The following APLP2 variants were observed in gnomAD, a reference collection of about 807,000 sequenced individuals.
APLP2 encodes amyloid beta precursor like protein 2, also known as CDEI box-binding protein.
APLP2 carries 53 observed loss-of-function variants against 89.9 expected under a neutral mutation model. The ratio of observed to expected loss-of-function variants is 0.59; its 90% CI spans 0.47 to 0.74. The LOEUF is 0.74. APLP2 is among the 30% of genes least tolerant of loss of function. The pLI, the probability that APLP2 is intolerant of heterozygous loss-of-function variation, is 0.00. For missense variants in APLP2, 973 were observed against 975.9 expected (o/e 1.00, Z 0.04); for synonymous variants, 372 against 348.6 (o/e 1.07, Z -0.75).
In APLP2 at chr11:130,133,740, C is replaced by G; in HGVS notation, c.1684+12C>G. On this transcript the variant is annotated intron_variant, in intron 12 of 16. Transcript: ENST00000338167. ...TCAAGAGGAAATTGGTGGGTACCAG[C>G]TCTTTGTGTCAAGGTCATACGGGAC... 6.3e-7 allele frequency: 1 copy of G among 1,593,472 alleles called. No individual in the cohort carries two copies. The highest frequency in any genetic ancestry group is 8.6e-7 in the Non-Finnish European group (1 of 1,161,264).
chr11:130,123,687 G>A lies in APLP2; in HGVS notation c.998G>A (p.Gly333Glu), dbSNP rs753559526. ...MPRWYFDLSK[G>E]KCVRFIYGGC... ...CGTTGGTACTTCGACCTCTCCAAGG[G>A]AAAGTGCGTGCGCTTTATATATGGT... is the stretch of plus-strand genomic sequence containing the variant. Residue 333 changes from glycine (G) to glutamate (E), a missense_variant, in exon 7 of 17, where the codon GGA (glycine) becomes GAA (glutamate). Physicochemically the swap from Gly to Glu is moderately conservative, Grantham distance 98. Coordinates refer to ENST00000338167, the MANE Select transcript of APLP2 (RefSeq NM_001142276.2). The surrounding 1 kb of genome is among the most constrained non-coding windows in gnomAD (Gnocchi z 4.0). 5 of 1,614,174 alleles carry A rather than the reference G, an allele frequency of 3.1e-6. No individual in the cohort carries two copies. The Admixed American group carries it at 8.3e-5, about 27-fold the overall frequency.
rs199857117 is a variant in APLP2, at chr11:130,121,751, G to T, written c.654G>T (p.Glu218Asp). ...IIGSVSKEEE[E>D]EDEEEEEEED... ...GATCTGTGTCAAAAGAAGAGGAAGA[G>T]GAAGATGAAGAGGAAGAGGAAGAGG... Residue 218 changes from glutamate (E) to aspartate (D), a missense_variant, in exon 5 of 17, where the codon GAG becomes GAT. Glu to Asp is a conservative substitution (Grantham distance 45, BLOSUM62 2). Transcript: ENST00000338167. 2 of 1,610,680 alleles carry T rather than the reference G, an allele frequency of 1.2e-6. No individual in the cohort carries two copies. Among genetic ancestry groups the T allele is most frequent in the South Asian group, 1.1e-5 (1 of 90,980 alleles).
At position 130,143,385 on chromosome 11, in the gene APLP2, C is replaced by A. The variant is rs761333460; in HGVS notation, c.2193C>A (p.Asn731Lys). ...TCACCCCAGAAGAGCGTCACCTGAACAAGATGCAGAACCATGGCTATGAGA... is the reference window on the plus strand; with the variant it reads ...TCACCCCAGAAGAGCGTCACCTGAAAAAGATGCAGAACCATGGCTATGAGA... ...PMLTPEERHL[N>K]KMQNHGYENP... Residue 731 changes from asparagine to lysine, a missense_variant, in exon 17 of 17, where the codon AAC becomes AAA. Asn to Lys is a moderately conservative substitution (Grantham distance 94). Coordinates refer to ENST00000338167, the MANE Select transcript of APLP2 (RefSeq NM_001142276.2). 6.2e-7 allele frequency: 1 copy of A among 1,613,972 alleles called. No homozygotes were observed.
chr11:130,090,934 G>A (rs879949466), intron 1 of APLP2, among the ~76,000 whole-genome samples: 9 of 148,444 alleles, frequency 6.1e-5, no homozygotes, highest in South Asian at 2.1e-4. Flanking sequence ...GCGGCTGGCC[G>A]GGCGGGGGGC....
At chr11:130,137,431 G>T in intron 13 of APLP2, 1 of 813,944 alleles carries the variant, frequency 1.2e-6, no homozygotes. Flanking sequence ...AGTGGGGTCA[G>T]AGCAGCCCCA....
chr11:130,090,662 T>A (rs1202731917), intron 1 of APLP2, among the ~76,000 whole-genome samples: 25 of 152,096 alleles, frequency 1.6e-4, no homozygotes, highest in African/African-American at 5.8e-4. Flanking sequence ...CATGTCTACT[T>A]CTTTCTACAC....
At chr11:130,100,350 A>G (rs1308674424) in intron 1 of APLP2, 1 of 152,158 alleles carries the variant, frequency 6.6e-6, no homozygotes, top group Non-Finnish European at 1.5e-5. Context: ...AGTTTCATGG[A>G]CTTCCTATTT....
At chr11:130,096,456 G>GT (rs1327968356) in intron 1 of APLP2, among the ~76,000 whole-genome samples, 13 of 152,320 alleles carry the variant, frequency 8.5e-5, no homozygotes, top group Admixed American at 8.5e-4. Context: ...TGTGGCTCAT[G>GT]CCTGTAATCC....
intron 3 of APLP2, among the ~76,000 whole-genome samples, chr11:130,118,457 G>C (rs1949466052): frequency 6.6e-6 from 1 of 152,204 alleles, no homozygotes; most frequent in African/African-American, 2.4e-5. Flanking sequence ...ACTTGGCTAA[G>C]GTTACTCTGC....
chr11:130,140,280 C>T (rs1009230244), intron 13 of APLP2, 118 bp from the exon 14 acceptor site: 30 of 637,956 alleles, frequency 4.7e-5, no homozygotes, highest in South Asian at 4.7e-4. Context: ...AGATGAGTCG[C>T]GTGGGGAGGT....
At position 130,130,108 on chromosome 11, in the gene APLP2, G is replaced by A. The variant is rs758370829; in HGVS notation, c.1526G>A (p.Arg509His). 20 of 1,614,120 alleles carry A rather than the reference G, an allele frequency of 1.2e-5. No individual in the cohort carries two copies. Among genetic ancestry groups the A allele is most frequent in the South Asian group, 5.5e-5 (5 of 91,094 alleles). The change falls in exon 11 of 17, where the codon CGT becomes CAT. Residue 509 changes from arginine (R) to histidine (H), a missense_variant. Arg to His is a conservative substitution (Grantham distance 29). Transcript: ENST00000338167. Reference sequence around the variant, plus strand: ...AACAAAGATCGCTTACATACCATCCGTCATTACCAGCATGTGTTGGCTGTT... The same window carrying A: ...AACAAAGATCGCTTACATACCATCCATCATTACCAGCATGTGTTGGCTGTT... ...AENKDRLHTI[R>H]HYQHVLAVDP... is the part of the protein sequence containing the mutation.
At chr11:130,111,689 C>T (rs547511819) in intron 3 of APLP2, among the ~76,000 whole-genome samples, 1 of 152,284 alleles carries the variant, frequency 6.6e-6, no homozygotes, top group African/African-American at 2.4e-5. Flanking sequence ...GTCATGTGTG[C>T]TTACCACCGT....
At chr11:130,098,133 G>A (rs11827581) in intron 1 of APLP2, among the ~76,000 whole-genome samples, 26 of 152,266 alleles carry the variant, frequency 1.7e-4, no homozygotes, top group African/African-American at 5.5e-4. Flanking sequence ...TTGGCCGGGC[G>A]CGGTGGCTCA....
intron 1 of APLP2, among the ~76,000 whole-genome samples, chr11:130,094,627 G>A (rs546397365): frequency 5.3e-5 from 8 of 152,314 alleles, no homozygotes; most frequent in African/African-American, 1.7e-4. Flanking sequence ...TTAATTTAGC[G>A]TTCATCCAAA....
At chr11:130,140,328 T>G in intron 13 of APLP2, 70 bp from the exon 14 acceptor site, 1 of 1,259,080 alleles carries the variant, frequency 7.9e-7, no homozygotes, top group Non-Finnish European at 1.1e-6. Flanking sequence ...GGAGGGAGTT[T>G]GCTGCTTCTG....
chr11:130,089,632 C>A (rs966244824), intron 1 of APLP2, among the ~76,000 whole-genome samples: 2 of 152,112 alleles, frequency 1.3e-5, no homozygotes, highest in Non-Finnish European at 2.9e-5. Flanking sequence ...AACAAAGATG[C>A]CACAAATGGA....
chr11:130,125,314 C>T (rs1184410869), intron 7 of APLP2, among the ~76,000 whole-genome samples: 2 of 152,182 alleles, frequency 1.3e-5, no homozygotes, highest in East Asian at 3.9e-4. Flanking sequence ...TCCAGTCCAG[C>T]AATGTGAACC....
rs766699090 is a variant in APLP2, at chr11:130,122,465, G to A, written c.874G>A (p.Gly292Ser). The change falls in exon 6 of 17, where the codon GGC becomes AGC. Residue 292 changes from glycine (G) to serine (S), a missense_variant. Gly to Ser is a moderately conservative substitution (Grantham distance 56). Coordinates refer to ENST00000338167, the MANE Select transcript of APLP2 (RefSeq NM_001142276.2). ...CAATGAGGAGAATCCTACTGAACCC[G>A]GCAGCGACGGCACCATGTCAGACAA... ...DYNEENPTEPGSDGTMSDKEI... is the reference protein window; with the variant it reads ...DYNEENPTEPSSDGTMSDKEI... 1.7e-5 allele frequency: 28 copies of A among 1,614,102 alleles called. No individual in the cohort carries two copies. The East Asian group carries it at 2.9e-4, about 17-fold the overall frequency.
intron 12 of APLP2, among the ~76,000 whole-genome samples, chr11:130,133,940 G>A (rs1300196619): frequency 6.6e-6 from 1 of 152,242 alleles, no homozygotes; most frequent in African/African-American, 2.4e-5. Context: ...GAGCCATGGA[G>A]CCTCGGGCTT....
Sources: allele counts gnomAD v4.1 joint callset (sites outside exome capture counted in the v4.1 genomes callset), GRCh38; gene constraint gnomAD v4.1.1; non-coding constraint Gnocchi (gnomAD v3.1); transcripts MANE v1.5; gene names NCBI Gene and HGNC (gene_info 2026-07-23, HGNC 2026-07-21).